The following DST variants were observed in gnomAD, a reference collection of about 807,000 sequenced individuals.
The protein encoded by DST is bullous pemphigoid antigen.
DST carries 253 observed loss-of-function variants against 875.2 expected under a neutral mutation model. The observed-to-expected ratio is 0.29, with a 90% CI of 0.26 to 0.32. The LOEUF (loss-of-function observed/expected upper bound fraction) is 0.32. Ranked by LOEUF, DST falls within the 10% of genes least tolerant of loss-of-function variation. DST has a pLI of 1.00. For missense variants in DST, 8,287 were observed against 9,111.6 expected, an observed-to-expected ratio of 0.91 and a Z score of 3.68; for synonymous variants, 3,124 against 3,197.1, an observed-to-expected ratio of 0.98 and a Z score of 0.77.
intron 86 of DST, among the ~76,000 whole-genome samples, chr6:56,488,160 C>T (rs755195829): frequency 2.0e-5 from 3 of 152,016 alleles, no homozygotes; most frequent in Non-Finnish European, 4.4e-5. Context: ...TTATGCTAAA[C>T]AGAATGCCAG....
At chr6:56,553,712 T>C in intron 60 of DST, 57 bp from the exon 61 acceptor site, 3 of 1,480,388 alleles carry the variant, frequency 2.0e-6, no homozygotes, top group Non-Finnish European at 2.7e-6. Context: ...ATTTAATCTA[T>C]GAAAAGCCAA....
intron 55 of DST, among the ~76,000 whole-genome samples, chr6:56,564,564 T>C (rs769394484): frequency 2.6e-5 from 4 of 152,226 alleles, no homozygotes; most frequent in Non-Finnish European, 4.4e-5. Context: ...TATCCTTTAT[T>C]ACTTTCTCTT....
chr6:56,703,667 A>T lies in DST; in HGVS notation c.857T>A (p.Val286Glu). 1 of 985,012 alleles carries T rather than the reference A, an allele frequency of 1.0e-6. No individual in the cohort carries two copies. Among genetic ancestry groups the T allele is most frequent in the Non-Finnish European group, 1.2e-6 (1 of 829,640 alleles). 61.0% of individuals were successfully genotyped at this position (985,012 alleles called of 1,614,324 possible). The part of the protein sequence containing the change: ...EACEYEQHED[V>E]EDEDKGPREK... ...ACCTACCCCCTTATCCTCATCCTCC[A>T]CATCCTCATGCTGTTCATATTCGCA... Residue 286 changes from valine to glutamate, a missense_variant, in exon 7 of 104, where the codon GTG (valine) becomes GAG (glutamate). Val to Glu is a moderately radical substitution (Grantham distance 121, BLOSUM62 -2). This residue lies in a region of DST where 1,160 missense variants were observed against 1,424.3 expected (regional missense o/e 0.81). Coordinates refer to ENST00000680361, the MANE Select transcript of DST (RefSeq NM_001374736.1).
intron 9 of DST, among the ~76,000 whole-genome samples, chr6:56,694,369 CAGTT>C (rs760476861): frequency 1.1e-4 from 17 of 152,174 alleles, no homozygotes; most frequent in South Asian, 6.2e-4. Context: ...TAAGAATACT[CAGTT>C]AGTCAAGTTA....
chr6:56,686,596 C>T lies in DST; in HGVS notation c.1047+13057G>A, dbSNP rs1298770830. On this transcript the variant is annotated intron_variant, in intron 9 of 103. Transcript: ENST00000680361. ...AGCTAACTATGGAATTTGAAGAATA[C>T]AGTCAGCACACTGTATGACACATAA... is the stretch of plus-strand genomic sequence containing the variant. Among the ~76,000 whole-genome samples the T allele has an allele frequency of 2.6e-5, 4 of 152,230 alleles. No individual in the cohort carries two copies. The East Asian group carries it at 7.7e-4, about 29-fold the overall frequency.
intron 3 of DST, among the ~76,000 whole-genome samples, chr6:56,889,014 G>C (rs1229846493): frequency 6.6e-6 from 1 of 152,110 alleles, no homozygotes; most frequent in Non-Finnish European, 1.5e-5. Context: ...TCAAAGTCAA[G>C]AGCTACCTAG....
At chr6:56,903,209 G>T (rs1029870997) in intron 2 of DST, among the ~76,000 whole-genome samples, 1 of 152,084 alleles carries the variant, frequency 6.6e-6, no homozygotes, top group Non-Finnish European at 1.5e-5. Context: ...ATTCTCTTAT[G>T]AGTAATAAGC....
chr6:56,912,622 A>T (rs1178455191), intron 2 of DST, among the ~76,000 whole-genome samples: 1 of 152,210 alleles, frequency 6.6e-6, no homozygotes, highest in African/African-American at 2.4e-5. Flanking sequence ...ACACAATAAA[A>T]GTTTATGCCT....
chr6:56,529,340 A>G, intron 66 of DST, 108 bp downstream of exon 66: 2 of 942,834 alleles, frequency 2.1e-6, no homozygotes, highest in Non-Finnish European at 1.5e-6. Flanking sequence ...TTTTAAGTAC[A>G]GCAATTCATC....
chr6:56,830,446 A>G (rs2099785645), intron 4 of DST, among the ~76,000 whole-genome samples: 1 of 152,156 alleles, frequency 6.6e-6, no homozygotes, highest in Admixed American at 6.5e-5. Context: ...ACTTTTGTCC[A>G]CTTCTTTATT....
At chr6:56,614,760 C>T (rs1348118143) in intron 36 of DST, 6 of 1,055,838 alleles carry the variant, frequency 5.7e-6, no homozygotes, top group Non-Finnish European at 6.8e-6. Flanking sequence ...TAAATCTCAA[C>T]TTTATTCATG....
intron 4 of DST, among the ~76,000 whole-genome samples, chr6:56,762,886 T>C (rs765055237): frequency 1.3e-5 from 2 of 150,376 alleles, no homozygotes; most frequent in Non-Finnish European, 3.0e-5. Flanking sequence ...GTTTCACTCT[T>C]GTTGCCCAGG....
intron 9 of DST, among the ~76,000 whole-genome samples, chr6:56,683,423 G>C (rs1228208215): frequency 6.6e-6 from 1 of 152,118 alleles, no homozygotes; most frequent in Non-Finnish European, 1.5e-5. Flanking sequence ...GTGCCAGTGC[G>C]GTAATCCAGA....
At chr6:56,820,272 C>T (rs2099771553) in intron 4 of DST, among the ~76,000 whole-genome samples, 5 of 152,218 alleles carry the variant, frequency 3.3e-5, no homozygotes, top group Admixed American at 3.3e-4. Context: ...TTATACTATG[C>T]TTGGAAGGCA....
chr6:56,953,017 G>A (rs1050620614), intron 2 of DST, among the ~76,000 whole-genome samples: 1 of 152,204 alleles, frequency 6.6e-6, no homozygotes, highest in Admixed American at 6.5e-5. Context: ...TAAATGGAGG[G>A]CGTTTAACTA....
At chr6:56,695,906 A>C (rs2099260889) in intron 9 of DST, among the ~76,000 whole-genome samples, 1 of 152,248 alleles carries the variant, frequency 6.6e-6, no homozygotes, top group Non-Finnish European at 1.5e-5. Flanking sequence ...GAGGATGATT[A>C]CCACTGCTAT....
intron 3 of DST, among the ~76,000 whole-genome samples, chr6:56,887,763 T>C (rs780879236): frequency 6.6e-6 from 1 of 152,040 alleles, no homozygotes; most frequent in African/African-American, 2.4e-5. Context: ...TATGAACACA[T>C]GCTTATTTTT....
At chr6:56,928,219 G>A (rs1162854265) in intron 2 of DST, among the ~76,000 whole-genome samples, 1 of 152,148 alleles carries the variant, frequency 6.6e-6, no homozygotes, top group Non-Finnish European at 1.5e-5. Flanking sequence ...CCTCTGACAG[G>A]AAGAGCAAGA....
intron 9 of DST, among the ~76,000 whole-genome samples, chr6:56,688,788 C>T (rs2099205758): frequency 6.6e-6 from 1 of 152,076 alleles, no homozygotes; most frequent in African/African-American, 2.4e-5. Context: ...AGATATAATG[C>T]ACAAGGAAAA....
Sources: gnomAD v4.1 joint callset for allele counts (sites outside exome capture counted in the v4.1 genomes callset) on GRCh38, gnomAD v4.1.1 for gene constraint, gnomAD v4.1.1 regional missense constraint, MANE v1.5 for transcripts, NCBI Gene and HGNC (gene_info 2026-07-23, HGNC 2026-07-21) for gene names.